Variants in EHBP1 observed in about 807,000 individuals in gnomAD.
The protein encoded by EHBP1 is EH domain binding protein 1, also known as EH domain-binding protein 1.
EHBP1 carries 55 observed loss-of-function variants against 144.0 expected under a neutral mutation model. The ratio of observed to expected loss-of-function variants is 0.38; its 90% CI spans 0.31 to 0.48. The LOEUF is 0.48. Ranked by LOEUF, EHBP1 falls within the 20% of genes least tolerant of loss-of-function variation. EHBP1 has a pLI of 0.98. For missense variants in EHBP1, 1,200 were observed against 1,364.2 expected, an observed-to-expected ratio of 0.88 and a Z score of 1.90; for synonymous variants, 469 against 472.7, an observed-to-expected ratio of 0.99 and a Z score of 0.10.
chr2:62,703,786 T>C (rs1419171360), upstream of EHBP1, among the ~76,000 whole-genome samples: 2 of 152,248 alleles, frequency 1.3e-5, no homozygotes, highest in Non-Finnish European at 2.9e-5. Flanking sequence ...TTAAAACTTA[T>C]TACTTTTAAG....
chr2:62,960,778 AAGCAGAATTG>A (rs1440529619), intron 14 of EHBP1, among the ~76,000 whole-genome samples: 1 of 152,232 alleles, frequency 6.6e-6, no homozygotes, highest in African/African-American at 2.4e-5. Context: ...AAGTTGTTTA[AAGCAGAATTG>A]AGCAGAGGAA....
intron 5 of EHBP1, among the ~76,000 whole-genome samples, chr2:62,789,640 A>G (rs1269842911): frequency 2.0e-5 from 3 of 152,216 alleles, no homozygotes; most frequent in Non-Finnish European, 4.4e-5. Flanking sequence ...CCTTTTAAGT[A>G]AGCTCCTGGT....
At chr2:62,747,184 G>A (rs2039240683) in intron 2 of EHBP1, among the ~76,000 whole-genome samples, 1 of 151,992 alleles carries the variant, frequency 6.6e-6, no homozygotes, top group South Asian at 2.1e-4. Context: ...ACTTGCTAAA[G>A]TATTGTTGGA....
chr2:62,855,040 G>A (rs1171273383), intron 7 of EHBP1, among the ~76,000 whole-genome samples: 2 of 152,192 alleles, frequency 1.3e-5, no homozygotes, highest in Non-Finnish European at 2.9e-5. Context: ...GCCTCCCACT[G>A]CAGGGAGCAG....
chr2:62,869,676 G>A (rs761558390), intron 9 of EHBP1, among the ~76,000 whole-genome samples: 4 of 152,184 alleles, frequency 2.6e-5, no homozygotes, highest in Non-Finnish European at 5.9e-5. Context: ...GGAGGGACTG[G>A]AAATGTTTGG....
intron 5 of EHBP1, chr2:62,771,606 ATTGTATGTATGT>A (rs1292677716): frequency 1.6e-5 from 6 of 370,082 alleles, no homozygotes; most frequent in Non-Finnish European, 2.9e-5. Flanking sequence ...TCAATACTAA[ATTGTATGTATGT>A]TTGTATGTAT....
At chr2:62,807,400 T>C (rs569848037) in intron 5 of EHBP1, among the ~76,000 whole-genome samples, 1 of 152,196 alleles carries the variant, frequency 6.6e-6, no homozygotes. Flanking sequence ...AATACAAAAT[T>C]AGCTGGGTGC....
At chr2:62,813,690 C>T (rs1344265592) in intron 5 of EHBP1, among the ~76,000 whole-genome samples, 2 of 152,164 alleles carry the variant, frequency 1.3e-5, no homozygotes, top group Non-Finnish European at 2.9e-5. Context: ...CCCCAGTGTG[C>T]CTAGGATGTG....
intron 2 of EHBP1, among the ~76,000 whole-genome samples, chr2:62,719,209 A>G (rs2035972705): frequency 2.0e-5 from 3 of 152,006 alleles, no homozygotes; most frequent in South Asian, 4.2e-4. Flanking sequence ...GAAGTGATCC[A>G]CCTGCTTTGG....
At chr2:62,840,404 A>G (rs1230553037) in intron 7 of EHBP1, among the ~76,000 whole-genome samples, 2 of 138,368 alleles carry the variant, frequency 1.4e-5, no homozygotes, top group African/African-American at 2.7e-5. Flanking sequence ...AAACCTAGGC[A>G]TTACCATTCA....
chr2:62,800,212 A>T (rs576040503), intron 5 of EHBP1, among the ~76,000 whole-genome samples: 35 of 152,188 alleles, frequency 2.3e-4, no homozygotes, highest in African/African-American at 7.9e-4. Flanking sequence ...TTAACCCTAA[A>T]TGGTCCTCAT....
intron 10 of EHBP1, 118 bp downstream of exon 10, chr2:62,874,650 C>G: frequency 1.2e-6 from 1 of 858,228 alleles, no homozygotes; most frequent in East Asian, 2.6e-5. Context: ...AAATAATATC[C>G]AAGACAATCT....
chr2:62,966,323 A>G (rs1438351033), intron 14 of EHBP1, among the ~76,000 whole-genome samples: 1 of 152,146 alleles, frequency 6.6e-6, no homozygotes, highest in Non-Finnish European at 1.5e-5. Flanking sequence ...ATTTAGCCCT[A>G]TTTAGCCTGA....
At chr2:62,854,891 G>T (rs1014149883) in intron 7 of EHBP1, among the ~76,000 whole-genome samples, 1 of 152,168 alleles carries the variant, frequency 6.6e-6, no homozygotes, top group Non-Finnish European at 1.5e-5. Context: ...GTTGGGGCTG[G>T]AGCTCCCTGG....
chr2:62,693,681 A>G (rs1036990552), intron 1 of EHBP1, among the ~76,000 whole-genome samples: 1 of 152,150 alleles, frequency 6.6e-6, no homozygotes, highest in Non-Finnish European at 1.5e-5. Context: ...ATTCTTAACT[A>G]TAGTCACCCT....
chr2:62,939,983 C>T, intron 10 of EHBP1: 2 of 289,152 alleles, frequency 6.9e-6, no homozygotes, highest in Admixed American at 4.1e-5. Flanking sequence ...TGGTGATTCA[C>T]TGAATTAGAA....
intron 5 of EHBP1, among the ~76,000 whole-genome samples, chr2:62,778,612 T>A (rs1437520113): frequency 6.6e-6 from 1 of 151,942 alleles, no homozygotes. Flanking sequence ...TGTTGGATTA[T>A]GTTGAACAGG....
intron 10 of EHBP1, among the ~76,000 whole-genome samples, chr2:62,905,030 A>G (rs1003951135): frequency 6.6e-6 from 1 of 152,194 alleles, no homozygotes; most frequent in Non-Finnish European, 1.5e-5. Flanking sequence ...TGCCAGAAAG[A>G]TGATATTTTA....
intron 2 of EHBP1, among the ~76,000 whole-genome samples, chr2:62,732,412 A>C (rs566857334): frequency 6.6e-6 from 1 of 152,232 alleles, no homozygotes; most frequent in South Asian, 2.1e-4. Context: ...CCCCACCCAA[A>C]TCTCGTGTTC....
Sources: gnomAD v4.1 joint callset for allele counts (sites outside exome capture counted in the v4.1 genomes callset) on GRCh38, gnomAD v4.1.1 for gene constraint, MANE v1.5 for transcripts, NCBI Gene and HGNC (gene_info 2026-07-23, HGNC 2026-07-21) for gene names.